The following SESN1 variants were observed in gnomAD, a reference collection of about 807,000 sequenced individuals.
The protein encoded by SESN1 is sestrin 1.
A neutral mutation model predicts 59.3 loss-of-function variants in SESN1; 30 were observed. The ratio of observed to expected loss-of-function variants is 0.51; its 90% CI spans 0.38 to 0.69. SESN1 has a LOEUF of 0.69. SESN1 is among the 30% of genes least tolerant of loss of function. The pLI is 0.00. For synonymous variants in SESN1, 197 were observed against 219.9 expected (o/e 0.90, Z 0.92); for missense variants, 566 against 673.0 (o/e 0.84, Z 1.76).
At chr6:108,992,966 G>A in intron 6 of SESN1, 67 bp from the exon 7 acceptor site, 1 of 1,030,840 alleles carries the variant, frequency 9.7e-7, no homozygotes, top group Non-Finnish European at 1.5e-6. Context: ...TTTACCCAAA[G>A]GAGTAAAAAT....
In SESN1 at chr6:109,010,453, A is replaced by T. The variant is rs189292683; in HGVS notation, c.280-8110T>A. Among the ~76,000 whole-genome samples, 169 of 152,328 alleles carry T rather than the reference A, an allele frequency of 1.1e-3. 1 individual carries two copies. Among genetic ancestry groups the T allele is most frequent in the African/African-American group, 3.9e-3 (164 of 41,574 alleles). ...AGTGCTCAGGTTAAAAAACAAAAAA[A>T]GTTGGAACATTCTGACAAGGAAACA... On this transcript the variant is annotated intron_variant, in intron 1 of 9. Coordinates refer to ENST00000436639, the MANE Select transcript of SESN1 (RefSeq NM_014454.3).
chr6:109,087,571 G>A (rs1290968459), intron 1 of SESN1, among the ~76,000 whole-genome samples: 1 of 151,944 alleles, frequency 6.6e-6, no homozygotes, highest in Non-Finnish European at 1.5e-5. Flanking sequence ...AGAAAATAGT[G>A]GTATGGAAGA....
intron 1 of SESN1, among the ~76,000 whole-genome samples, chr6:109,023,198 ACTTT>A (rs1164414297): frequency 6.6e-6 from 1 of 152,124 alleles, no homozygotes; most frequent in Non-Finnish European, 1.5e-5. Flanking sequence ...TCCTATCCCA[ACTTT>A]CTTGATTCCA....
intron 1 of SESN1, among the ~76,000 whole-genome samples, chr6:109,091,029 C>A (rs1054650349): frequency 2.0e-5 from 3 of 152,090 alleles, no homozygotes; most frequent in African/African-American, 7.2e-5. Context: ...TCCACCTCAG[C>A]CTTCCAAAGT....
chr6:109,027,732 C>T (rs934251343), intron 1 of SESN1, among the ~76,000 whole-genome samples: 5 of 152,042 alleles, frequency 3.3e-5, no homozygotes, highest in African/African-American at 1.2e-4. Flanking sequence ...GACAGCTCCC[C>T]GTCCCACAAC....
At chr6:109,082,282 G>T (rs1781134393) in intron 1 of SESN1, among the ~76,000 whole-genome samples, 1 of 152,030 alleles carries the variant, frequency 6.6e-6, no homozygotes, top group African/African-American at 2.4e-5. Flanking sequence ...AGTGCTAGAG[G>T]GCTCAACTTC....
chr6:109,002,431 C>T (rs1471017107), intron 1 of SESN1, 88 bp from the exon 2 acceptor site: 9 of 983,802 alleles, frequency 9.1e-6, no homozygotes, highest in African/African-American at 1.6e-5. Context: ...AACAACCAGT[C>T]GAACAGAGAC....
intron 1 of SESN1, among the ~76,000 whole-genome samples, chr6:109,039,994 G>T (rs761320519): frequency 1.2e-4 from 18 of 152,212 alleles, no homozygotes; most frequent in Non-Finnish European, 2.4e-4. Context: ...TCAAATGAAG[G>T]ACTGTGAGAG....
At chr6:109,023,685 T>C (rs1780043873) in intron 1 of SESN1, among the ~76,000 whole-genome samples, 2 of 152,204 alleles carry the variant, frequency 1.3e-5, no homozygotes, top group South Asian at 2.1e-4. Context: ...ATTTTCATTA[T>C]GTTACAGGCT....
intron 8 of SESN1, among the ~76,000 whole-genome samples, chr6:108,989,580 T>TAGAGAGAG (rs1779317488): frequency 6.6e-6 from 1 of 151,090 alleles, no homozygotes; most frequent in Non-Finnish European, 1.5e-5. Context: ...GAGATATCTA[T>TAGAGAGAG]ATATAGAGAG....
chr6:109,018,992 A>G (rs919727112), intron 1 of SESN1, among the ~76,000 whole-genome samples: 11 of 152,170 alleles, frequency 7.2e-5, no homozygotes, highest in African/African-American at 2.7e-4. Flanking sequence ...ATAACCCCTT[A>G]ATTTCAAATT....
At chr6:109,075,467 A>G (rs531810401) in intron 1 of SESN1, among the ~76,000 whole-genome samples, 1 of 152,312 alleles carries the variant, frequency 6.6e-6, no homozygotes, top group African/African-American at 2.4e-5. Flanking sequence ...TTCTCAGGCT[A>G]ATACTCTCTC....
chr6:108,988,477 G>T (rs1779262562), intron 9 of SESN1, 66 bp downstream of exon 9: 1 of 1,394,300 alleles, frequency 7.2e-7, no homozygotes, highest in Non-Finnish European at 9.7e-7. Context: ...GCACCATTAG[G>T]TTAGGTGAAG....
chr6:109,054,736 T>C (rs538677446), intron 1 of SESN1, among the ~76,000 whole-genome samples: 1 of 151,856 alleles, frequency 6.6e-6, no homozygotes, highest in East Asian at 1.9e-4. Context: ...TTTCTTATGA[T>C]TTTATGAGCT....
chr6:109,041,204 T>TG (rs1288292136), intron 1 of SESN1, among the ~76,000 whole-genome samples: 7 of 150,834 alleles, frequency 4.6e-5, no homozygotes, highest in Non-Finnish European at 8.9e-5. Context: ...CCCAGCTACT[T>TG]GGGGGGCTTA....
intron 1 of SESN1, among the ~76,000 whole-genome samples, chr6:109,003,120 C>T (rs992765759): frequency 1.3e-5 from 2 of 151,918 alleles, no homozygotes; most frequent in Non-Finnish European, 2.9e-5. Flanking sequence ...CCCTCACCCT[C>T]CCCATATAGT....
Position 108,986,518 on chromosome 6 carries a change from ACAAAGTACTT to A in SESN1, c.*1016_*1025del, listed in dbSNP as rs529754577. 1.3e-5 allele frequency: 2 copies of A among 152,818 alleles called. No individual in the cohort carries two copies. The highest frequency in any genetic ancestry group is 4.8e-5 in the African/African-American group (2 of 41,602). 9.5% of individuals were successfully genotyped at this position (152,818 alleles called of 1,614,324 possible). ...CAAAAGCAATTCACGCTTCCAGAATACAAAGTACTTAATACATATTTTCAAACCTGTTTGC... is the reference window on the plus strand; with the variant it reads ...CAAAAGCAATTCACGCTTCCAGAATAAATACATATTTTCAAACCTGTTTGC... On this transcript the variant is annotated 3_prime_UTR_variant, in exon 10 of 10. Transcript: ENST00000436639.
chr6:108,998,853 C>G, intron 4 of SESN1, 98 bp from the exon 5 acceptor site: 1 of 1,353,532 alleles, frequency 7.4e-7, no homozygotes, highest in Admixed American at 2.5e-5. Context: ...CATGAGTCAT[C>G]ATACAAAGCC....
chr6:109,082,728 T>C (rs1020465519), intron 1 of SESN1, among the ~76,000 whole-genome samples: 3 of 152,208 alleles, frequency 2.0e-5, no homozygotes, highest in African/African-American at 7.2e-5. Context: ...TGGTACCCTA[T>C]GACACGATGT....
Sources: gnomAD v4.1 joint callset for allele counts (sites outside exome capture counted in the v4.1 genomes callset) on GRCh38, gnomAD v4.1.1 for gene constraint, MANE v1.5 for transcripts, NCBI Gene and HGNC (gene_info 2026-07-23, HGNC 2026-07-21) for gene names.